WASHC4: variants seen among roughly 807,000 people sequenced by gnomAD.
The protein encoded by WASHC4 is WASH complex subunit 4.
In WASHC4, 86 loss-of-function variants were observed where a neutral mutation model predicts 166.6. The ratio of observed to expected loss-of-function variants is 0.52; its 90% CI spans 0.43 to 0.62. WASHC4 has a LOEUF of 0.62. WASHC4 is among the 20% of genes least tolerant of loss of function. The pLI, the probability that WASHC4 is intolerant of heterozygous loss-of-function variation, is 0.00. For synonymous variants in WASHC4, 446 were observed against 451.6 expected (o/e 0.99, Z 0.16); for missense variants, 1,262 against 1,382.4 (o/e 0.91, Z 1.38).
chr12:105,121,086 A>G lies in WASHC4; in HGVS notation c.562-15A>G, dbSNP rs574077666. 2 of 1,576,860 alleles carry G rather than the reference A, an allele frequency of 1.3e-6. No individual in the cohort carries two copies. Among genetic ancestry groups the G allele is most frequent in the East Asian group, 2.2e-5 (1 of 44,608 alleles). The stretch of plus-strand genomic sequence containing the variant: ...ACTAGTGACTAAATGATAATCATTA[A>G]AGGTTTTTTGACAGACTATGTATGA... On this transcript the variant is annotated splice_polypyrimidine_tract_variant and intron_variant, in intron 8 of 32. Transcript: ENST00000332180.
intron 1 of WASHC4, among the ~76,000 whole-genome samples, chr12:105,108,816 C>G (rs922660355): frequency 2.0e-5 from 3 of 151,946 alleles, no homozygotes; most frequent in African/African-American, 7.3e-5. Context: ...GCTTGATTTA[C>G]GAAGAGAGAC....
At chr12:105,138,229 T>A (rs549686626) in intron 15 of WASHC4, among the ~76,000 whole-genome samples, 1 of 151,532 alleles carries the variant, frequency 6.6e-6, no homozygotes, top group African/African-American at 2.4e-5. Flanking sequence ...TAAATAAAGT[T>A]AATATATCCA....
At chr12:105,159,196 C>A (rs1368851157) in intron 28 of WASHC4, among the ~76,000 whole-genome samples, 1 of 152,100 alleles carries the variant, frequency 6.6e-6, no homozygotes, top group Non-Finnish European at 1.5e-5. Flanking sequence ...AAAGTGTTGA[C>A]CATTTAAAAA....
chr12:105,114,130 C>A, intron 2 of WASHC4, 86 bp from the exon 3 acceptor site: 1 of 1,200,516 alleles, frequency 8.3e-7, no homozygotes, highest in South Asian at 1.3e-5. Flanking sequence ...AAGTTTAAGT[C>A]GAATAAAGCT....
chr12:105,148,835 G>T, intron 24 of WASHC4: 1 of 985,262 alleles, frequency 1.0e-6, no homozygotes, highest in Non-Finnish European at 1.2e-6. Flanking sequence ...CTGCCTGTAG[G>T]TTGGAATTAA....
Position 105,147,125 on chromosome 12 carries a change from C to T in WASHC4, c.2493C>T (p.Gly831=), listed in dbSNP as rs1883359935. ...TTGCTAATTCAATTCGAACACATGG[C>T]ACGGGAATTATGAATACAACTGTAA... The part of the protein sequence containing the change: ...RHIANSIRTH[G]TGIMNTTVNF... Residue 831 remains glycine, a synonymous_variant, in exon 24 of 33, where the codon GGC becomes GGT. Transcript: ENST00000332180. 1 of 1,603,258 alleles carries T rather than the reference C, an allele frequency of 6.2e-7. No individual in the cohort carries two copies. The highest frequency in any genetic ancestry group is 1.3e-5 in the African/African-American group (1 of 74,692).
At chr12:105,166,346 T>C (rs1206559) in intron 32 of WASHC4, among the ~76,000 whole-genome samples, 133,497 of 152,212 alleles carry the variant, frequency 0.88, 58,815 homozygotes, top group East Asian at 1. Flanking sequence ...TGAAAAGCTG[T>C]TTCATTTAAA....
intron 10 of WASHC4, among the ~76,000 whole-genome samples, chr12:105,123,989 A>G (rs952255410): frequency 4.6e-5 from 7 of 152,250 alleles, no homozygotes; most frequent in Non-Finnish European, 8.8e-5. Flanking sequence ...TGGCCAGCAA[A>G]AAGATGATAG....
chr12:105,141,037 A>G lies in WASHC4; in HGVS notation c.1699A>G (p.Thr567Ala). 6.2e-7 allele frequency: 1 copy of G among 1,614,200 alleles called. No homozygotes were observed. The highest frequency in any genetic ancestry group is 8.5e-7 in the Non-Finnish European group (1 of 1,180,020). Residue 567 changes from threonine (T) to alanine (A), a missense_variant, in exon 17 of 33, where the codon ACA (threonine) becomes GCA (alanine). Transcript: ENST00000332180. ...LIVSLALSVG[T>A]QMKTFKDEEL... ...TGTTTCTTTGGCACTAAGTGTTGGC[A>G]CACAAATGGTAAGTGTATTGCTATT...
chr12:105,155,494 TC>T (rs1884078250), intron 26 of WASHC4, among the ~76,000 whole-genome samples: 6 of 46 alleles, frequency 0.13, no homozygotes, highest in African/African-American at 0.29. Flanking sequence ...AAGATCGATG[TC>T]AGGATTTTGA....
chr12:105,139,643 G>GT (rs1194357046), intron 15 of WASHC4, among the ~76,000 whole-genome samples: 1 of 151,062 alleles, frequency 6.6e-6, no homozygotes, highest in African/African-American at 2.4e-5. Context: ...TATTAACTAT[G>GT]TTTCTTCTTT....
chr12:105,124,208 C>T (rs1015130033), intron 10 of WASHC4, among the ~76,000 whole-genome samples: 2 of 151,466 alleles, frequency 1.3e-5, no homozygotes, highest in East Asian at 3.9e-4. Flanking sequence ...CAACCTCTGC[C>T]TCACGGGTTC....
chr12:105,143,765 A>G (rs756639985), intron 20 of WASHC4, among the ~76,000 whole-genome samples: 5 of 151,998 alleles, frequency 3.3e-5, no homozygotes, highest in Non-Finnish European at 4.4e-5. Flanking sequence ...GGAGGGAGGA[A>G]TTAAAAATGA....
chr12:105,126,420 C>T, intron 12 of WASHC4, 58 bp downstream of exon 12: 1 of 1,314,190 alleles, frequency 7.6e-7, no homozygotes, highest in Non-Finnish European at 1.1e-6. Context: ...GCAGATAAAA[C>T]TAAATATTTT....
chr12:105,160,544 G>A (rs1202102996), intron 29 of WASHC4, among the ~76,000 whole-genome samples: 1 of 152,062 alleles, frequency 6.6e-6, no homozygotes, highest in Non-Finnish European at 1.5e-5. Context: ...AAGATATGGG[G>A]TCTCACTGTG....
At chr12:105,133,576 C>G (rs1882050917) in intron 13 of WASHC4, among the ~76,000 whole-genome samples, 194 bp from the exon 14 acceptor site, 1 of 152,092 alleles carries the variant, frequency 6.6e-6, no homozygotes, top group Non-Finnish European at 1.5e-5. Context: ...CTGTTGTATT[C>G]TCAGTACCTG....
chr12:105,131,403 A>G (rs1461382004), intron 13 of WASHC4, among the ~76,000 whole-genome samples: 1 of 152,216 alleles, frequency 6.6e-6, no homozygotes, highest in African/African-American at 2.4e-5. Flanking sequence ...ATATATTTAT[A>G]AGAGGTAAAG....
Position 105,144,408 on chromosome 12 carries a change from T to TC in WASHC4, c.2133dup (p.Ser712LeufsTer13). ...GGCATGAAAGACCTGGCTCTTTTTT[T>TC]CTCTCTGAATCCAATTCGGTTTTTC... On this transcript the variant is annotated frameshift_variant, in exon 21 of 33. Coordinates refer to ENST00000332180, the MANE Select transcript of WASHC4 (RefSeq NM_015275.3). LOFTEE classifies it high-confidence loss of function. 5 of 1,613,588 alleles carry TC rather than the reference T, an allele frequency of 3.1e-6. No homozygotes were observed. The highest frequency in any genetic ancestry group is 3.4e-6 in the Non-Finnish European group (4 of 1,179,638).
At chr12:105,147,811 A>G (rs1170223045) in intron 24 of WASHC4, 6 of 483,676 alleles carry the variant, frequency 1.2e-5, no homozygotes, top group Non-Finnish European at 1.6e-5. Context: ...AGGCTGAGGC[A>G]GGAGAATCGC....
Sources: allele counts gnomAD v4.1 joint callset (sites outside exome capture counted in the v4.1 genomes callset), GRCh38; gene constraint gnomAD v4.1.1; transcripts MANE v1.5; gene names NCBI Gene and HGNC (gene_info 2026-07-23, HGNC 2026-07-21).